Variants in DCT observed in about 807,000 individuals in gnomAD.
DCT encodes dopachrome tautomerase, also known as L-dopachrome tautomerase.
Under a neutral mutation model 53.0 loss-of-function variants are expected in DCT, and 47 were observed. The observed-to-expected ratio is 0.89, with a 90% CI of 0.70 to 1.13. The LOEUF is 1.13. DCT is among the 50% of genes most tolerant of loss of function. The pLI is 0.00. For synonymous variants in DCT, 244 were observed against 237.0 expected, an observed-to-expected ratio of 1.03 and a Z score of -0.27; for missense variants, 669 against 637.4, an observed-to-expected ratio of 1.05 and a Z score of -0.53.
the DCT span, among the ~76,000 whole-genome samples, chr13:94,499,565 C>A: frequency 6.6e-5 from 10 of 152,074 alleles, no homozygotes; most frequent in Non-Finnish European, 1.2e-4. Flanking sequence ...AAAAGCAAAC[C>A]TGGCAGCATG....
At chr13:94,473,317 G>A (rs1884873523) in intron 1 of DCT, among the ~76,000 whole-genome samples, 1 of 152,220 alleles carries the variant, frequency 6.6e-6, no homozygotes, top group Admixed American at 6.5e-5. Context: ...TAGGCCTTGT[G>A]TGAGATGCTT....
rs147316406 is a variant in DCT, at chr13:94,439,146, T to C, written c.*752A>G. 237 of 153,984 alleles carry C rather than the reference T, an allele frequency of 1.5e-3. No homozygotes were observed. Among genetic ancestry groups the C allele is most frequent in the Non-Finnish European group, 2.6e-3 (183 of 69,204 alleles). 9.5% of individuals were successfully genotyped at this position (153,984 alleles called of 1,614,324 possible). Reference sequence around the variant, plus strand: ...TTTTATTATCTTCTCTATTTATCACTATAGAATCAATGTGTATCCAGCTAT... The same window carrying C: ...TTTTATTATCTTCTCTATTTATCACCATAGAATCAATGTGTATCCAGCTAT... On this transcript the variant is annotated 3_prime_UTR_variant, in exon 8 of 8. Coordinates refer to ENST00000377028, the MANE Select transcript of DCT (RefSeq NM_001922.5).
chr13:94,478,107 CAGAGA>C (rs1384502413), intron 1 of DCT, among the ~76,000 whole-genome samples: 2 of 152,120 alleles, frequency 1.3e-5, no homozygotes, highest in Non-Finnish European at 2.9e-5. Context: ...GGTTCAAGTC[CAGAGA>C]AGAGTGACAA....
Position 94,439,819 on chromosome 13 carries a change from A to T in DCT, c.*79T>A. On this transcript the variant is annotated 3_prime_UTR_variant, in exon 8 of 8. Transcript: ENST00000377028. ...AAAGATCTTCAACTCAAGAAGGAAC[A>T]GTGAGGATTAGTTCCTTTATTGTCA... The T allele has an allele frequency of 9.7e-7, 1 of 1,031,680 alleles. No individual in the cohort carries two copies. Among genetic ancestry groups the T allele is most frequent in the Non-Finnish European group, 1.4e-6 (1 of 698,840 alleles). 63.9% of individuals were successfully genotyped at this position (1,031,680 alleles called of 1,614,324 possible).
chr13:94,496,863 T>C, the DCT span, among the ~76,000 whole-genome samples: 1 of 152,162 alleles, frequency 6.6e-6, no homozygotes, highest in African/African-American at 2.4e-5. Flanking sequence ...TGAATACACC[T>C]GGAGCAGAGG....
chr13:94,497,093 G>A, the DCT span, among the ~76,000 whole-genome samples: 3 of 152,156 alleles, frequency 2.0e-5, no homozygotes, highest in African/African-American at 7.2e-5. Flanking sequence ...ATATTTCTGC[G>A]GGGTATTTTC....
the DCT span, among the ~76,000 whole-genome samples, chr13:94,537,424 G>A: frequency 6.6e-6 from 1 of 152,200 alleles, no homozygotes; most frequent in African/African-American, 2.4e-5. Context: ...CTGGTTCATA[G>A]GATTACAACC....
chr13:94,535,746 G>C, the DCT span, among the ~76,000 whole-genome samples: 452 of 152,316 alleles, frequency 3.0e-3, 2 homozygotes, highest in African/African-American at 0.011. Flanking sequence ...TGCAGAGGTC[G>C]TCAATAAATA....
At chr13:94,484,307 GT>G (rs1465285070), upstream of DCT, among the ~76,000 whole-genome samples, 1 of 152,202 alleles carries the variant, frequency 6.6e-6, no homozygotes, top group Non-Finnish European at 1.5e-5. Context: ...AAAGACAGGG[GT>G]TCTGTGAGGA....
chr13:94,467,690 C>A (rs1282637734), intron 2 of DCT: 1 of 152,172 alleles, frequency 6.6e-6, no homozygotes, highest in Non-Finnish European at 1.5e-5. Flanking sequence ...CAATTCAGAG[C>A]AAGGTTTCAA....
chr13:94,526,872 G>C, the DCT span, among the ~76,000 whole-genome samples: 5 of 152,076 alleles, frequency 3.3e-5, no homozygotes, highest in Admixed American at 3.3e-4. Flanking sequence ...CCTAGCCAAG[G>C]GAAGCCGTGA....
In DCT at chr13:94,437,684, T is replaced by A. The variant is rs1461865923; in HGVS notation, c.*2214A>T. The A allele has an allele frequency of 1.3e-5, 2 of 152,220 alleles. No homozygotes were observed. The highest frequency in any genetic ancestry group is 2.4e-5 in the African/African-American group (1 of 41,470). The allele number at this position is 152,220 out of a possible 1,614,324, so 9.4% of individuals were successfully genotyped here. A position where few individuals can be genotyped will look rare whatever the true frequency, so the allele number is the denominator to read the frequency against. On this transcript the variant is annotated 3_prime_UTR_variant, in exon 8 of 8. Coordinates refer to ENST00000377028, the MANE Select transcript of DCT (RefSeq NM_001922.5). ...CTGAGTTTATTTGCATGATATTCAA[T>A]GTAAGTAAATACCAACTTTTTATTC...
At position 94,469,003 on chromosome 13, in the gene DCT, C is replaced by A. The variant is rs540335282; in HGVS notation, c.338G>T (p.Trp113Leu). 1 of 1,614,112 alleles carries A rather than the reference C, an allele frequency of 6.2e-7. No individual in the cohort carries two copies. Among genetic ancestry groups the A allele is most frequent in the East Asian group, 2.2e-5 (1 of 44,880 alleles). The change falls in exon 2 of 8, where the codon TGG becomes TTG. Residue 113 changes from tryptophan to leucine, a missense_variant. Physicochemically the swap from Trp to Leu is moderately conservative, Grantham distance 61. Coordinates refer to ENST00000377028, the MANE Select transcript of DCT (RefSeq NM_001922.5). ...GYNCGDCKFG[W>L]TGPNCERKKP... ...CTTCCGCTCGCAGTTGGGACCGGTC[C>A]AGCCAAACTTGCAGTCTCCACAATT... is the stretch of plus-strand genomic sequence containing the variant.
At chr13:94,454,967 A>T (rs900311112) in intron 6 of DCT, among the ~76,000 whole-genome samples, 1 of 152,214 alleles carries the variant, frequency 6.6e-6, no homozygotes, top group African/African-American at 2.4e-5. Context: ...AACATTAAGC[A>T]CATTAGAAAC....
chr13:94,446,592 C>A (rs753668813), intron 6 of DCT, among the ~76,000 whole-genome samples: 5 of 152,200 alleles, frequency 3.3e-5, no homozygotes, highest in Non-Finnish European at 5.9e-5. Context: ...GCTGCTGTAA[C>A]AAAGTACTAC....
chr13:94,453,869 A>G (rs1883251400), intron 6 of DCT, among the ~76,000 whole-genome samples: 1 of 152,170 alleles, frequency 6.6e-6, no homozygotes, highest in Non-Finnish European at 1.5e-5. Flanking sequence ...TCTATAAATT[A>G]CTCAGTCTCA....
chr13:94,443,398 G>T, intron 7 of DCT, 38 bp downstream of exon 7: 2 of 1,456,166 alleles, frequency 1.4e-6, no homozygotes, highest in Non-Finnish European at 1.9e-6. Context: ...TTCTTTAGAA[G>T]ATGAATGAAT....
the DCT span, among the ~76,000 whole-genome samples, chr13:94,494,287 GA>G: frequency 3.3e-5 from 5 of 152,160 alleles, no homozygotes; most frequent in Non-Finnish European, 7.3e-5. Flanking sequence ...AGTTTCCTTA[GA>G]GGGGCATTTT....
the DCT span, among the ~76,000 whole-genome samples, chr13:94,509,468 G>A: frequency 1.3e-5 from 2 of 150,980 alleles, no homozygotes; most frequent in Admixed American, 6.6e-5. Flanking sequence ...ACACATTCTG[G>A]CCAGTAAAAT....
Sources: gnomAD v4.1 joint callset for allele counts (sites outside exome capture counted in the v4.1 genomes callset) on GRCh38, gnomAD v4.1.1 for gene constraint, MANE v1.5 for transcripts, NCBI Gene and HGNC (gene_info 2026-07-23, HGNC 2026-07-21) for gene names.